Variants in CHURC1 observed in about 807,000 individuals in gnomAD.
CHURC1 encodes churchill domain containing 1, also known as protein Churchill.
A neutral mutation model predicts 15.4 loss-of-function variants in CHURC1; 12 were observed. That is an observed-to-expected ratio of 0.78 (90% CI 0.50 to 1.27). CHURC1 has a LOEUF of 1.27. CHURC1 is among the 50% of genes most tolerant of loss of function. The pLI is 0.00. For synonymous variants in CHURC1, 42 were observed against 47.5 expected, an observed-to-expected ratio of 0.88 and a Z score of 0.48; for missense variants, 132 against 137.8, an observed-to-expected ratio of 0.96 and a Z score of 0.21.
intron 3 of CHURC1, among the ~76,000 whole-genome samples, chr14:64,930,352 T>C: frequency 6.6e-6 from 1 of 152,336 alleles, no homozygotes; most frequent in East Asian, 1.9e-4. Flanking sequence ...ATTCTAGACA[T>C]ATTTTCCCAC....
At chr14:64,929,081 G>A (rs1289155103) in intron 3 of CHURC1, among the ~76,000 whole-genome samples, 1 of 151,890 alleles carries the variant, frequency 6.6e-6, no homozygotes, top group Non-Finnish European at 1.5e-5. Context: ...ACCATTGAAG[G>A]CTGAATTACT....
At chr14:64,919,707 A>G (rs2139884092) in intron 1 of CHURC1, among the ~76,000 whole-genome samples, 1 of 152,000 alleles carries the variant, frequency 6.6e-6, no homozygotes, top group Non-Finnish European at 1.5e-5. Context: ...ACATGGTGAA[A>G]CCCTGTTTCT....
rs1374361821 is a variant in CHURC1 at position 64,932,422 on chromosome 14, T to G, written c.*192T>G. The G allele has an allele frequency of 1.5e-6, 2 of 1,329,748 alleles. No individual in the cohort carries two copies. Among genetic ancestry groups the G allele is most frequent in the Non-Finnish European group, 1.9e-6 (2 of 1,038,104 alleles). 82.4% of individuals were successfully genotyped at this position (1,329,748 alleles called of 1,614,324 possible). ...CTAGAGCTGAGCTCTTCTGCTAAAGTTCAAAGTTCACATCAGTGTAGCCAG... is the reference window on the plus strand; with the variant it reads ...CTAGAGCTGAGCTCTTCTGCTAAAGGTCAAAGTTCACATCAGTGTAGCCAG... On this transcript the variant is annotated 3_prime_UTR_variant, in exon 4 of 4. Transcript: ENST00000549115.
intron 3 of CHURC1, among the ~76,000 whole-genome samples, chr14:64,930,215 T>C (rs1250508941): frequency 6.6e-6 from 1 of 152,180 alleles, no homozygotes; most frequent in Admixed American, 6.5e-5. Context: ...AGTTGGAGCC[T>C]TTGAGAGTCC....
chr14:64,925,498 C>A (rs1474136566), intron 2 of CHURC1, among the ~76,000 whole-genome samples: 1 of 151,858 alleles, frequency 6.6e-6, no homozygotes. Flanking sequence ...CATAGTGAGA[C>A]CTCACCTCTA....
At chr14:64,931,564 G>C (rs557266060) in intron 3 of CHURC1, among the ~76,000 whole-genome samples, 87 of 151,202 alleles carry the variant, frequency 5.8e-4, no homozygotes, top group Non-Finnish European at 1.1e-3. Context: ...CTTGCCCTAA[G>C]GGTTTTTGCC....
At chr14:64,914,935 A>G (rs1344108997) in intron 1 of CHURC1, among the ~76,000 whole-genome samples, 1 of 152,222 alleles carries the variant, frequency 6.6e-6, no homozygotes, top group African/African-American at 2.4e-5. Flanking sequence ...ACTTTTGCAG[A>G]TGAAGAAACC....
chr14:64,918,643 C>T (rs1187325367), intron 1 of CHURC1, among the ~76,000 whole-genome samples: 1 of 152,116 alleles, frequency 6.6e-6, no homozygotes, highest in Non-Finnish European at 1.5e-5. Flanking sequence ...GCCTGGGCTA[C>T]ATAGTGAGAC....
intron 3 of CHURC1, among the ~76,000 whole-genome samples, chr14:64,930,046 G>A (rs1475024516): frequency 6.6e-6 from 1 of 151,630 alleles, no homozygotes; most frequent in Non-Finnish European, 1.5e-5. Flanking sequence ...AGAAGACTTG[G>A]AGTCAGAATT....
chr14:64,916,711 C>G (rs771767008), intron 1 of CHURC1, among the ~76,000 whole-genome samples: 2 of 151,904 alleles, frequency 1.3e-5, no homozygotes, highest in African/African-American at 2.4e-5. Flanking sequence ...CCGAGTAGCT[C>G]GGACTGCAGG....
intron 3 of CHURC1, among the ~76,000 whole-genome samples, chr14:64,928,497 G>T (rs1222896446): frequency 1.3e-5 from 2 of 152,128 alleles, no homozygotes; most frequent in Non-Finnish European, 2.9e-5. Flanking sequence ...CAGTCCTCCT[G>T]CCTCAGCCTC....
At chr14:64,920,835 T>C (rs976673475) in intron 1 of CHURC1, among the ~76,000 whole-genome samples, 8 of 152,234 alleles carry the variant, frequency 5.3e-5, no homozygotes, top group African/African-American at 1.9e-4. Context: ...TTCCAGGCAG[T>C]CCCAATTCAA....
rs1395206828 is a variant in CHURC1 at position 64,932,311 on chromosome 14, A to G, written c.*81A>G. 6 of 1,547,528 alleles carry G rather than the reference A, an allele frequency of 3.9e-6. No homozygotes were observed. The African/African-American group carries it at 8.3e-5, about 21-fold the overall frequency. ...CCTGATGGTTTGTCTTATTTCATTC[A>G]TACTGAAAATTCTTTGCATATTTTT... On this transcript the variant is annotated 3_prime_UTR_variant, in exon 4 of 4. Coordinates refer to ENST00000549115, the MANE Select transcript of CHURC1 (RefSeq NM_001386928.1).
chr14:64,914,663 C>T, intron 1 of CHURC1, 129 bp downstream of exon 1: 1 of 1,533,328 alleles, frequency 6.5e-7, no homozygotes, highest in East Asian at 2.3e-5. Flanking sequence ...GACCCAGTAG[C>T]GGTATTTAGG....
At chr14:64,922,037 A>G (rs1019600243) in intron 1 of CHURC1, among the ~76,000 whole-genome samples, 5 of 152,228 alleles carry the variant, frequency 3.3e-5, no homozygotes, top group Non-Finnish European at 5.9e-5. Flanking sequence ...TTCTGTTTAT[A>G]TAAAATTCTA....
At chr14:64,922,443 T>G (rs1202073245) in intron 1 of CHURC1, among the ~76,000 whole-genome samples, 1 of 151,866 alleles carries the variant, frequency 6.6e-6, no homozygotes, top group Non-Finnish European at 1.5e-5. Flanking sequence ...CAGGGCGTGG[T>G]GGCGGGCACC....
chr14:64,914,510 T>C lies in CHURC1; in HGVS notation c.15T>C (p.Cys5=). MCGD[C]VEKEYPNRGN... ...ACTGCGTCGCGATGTGTGGCGACTG[T>C]GTGGAGAAGGAATATCCCAACCGGG... Residue 5 remains cysteine (C), a synonymous_variant, in exon 1 of 4, where the codon TGT becomes TGC. Coordinates refer to ENST00000549115, the MANE Select transcript of CHURC1 (RefSeq NM_001386928.1). 6.2e-7 allele frequency: 1 copy of C among 1,614,264 alleles called. No individual in the cohort carries two copies. Among genetic ancestry groups the C allele is most frequent in the Non-Finnish European group, 8.5e-7 (1 of 1,180,042 alleles).
At position 64,934,714 on chromosome 14, in the gene CHURC1, C is replaced by T. The variant is rs1399874487; in HGVS notation, c.*2484C>T. 3 of 985,366 alleles carry T rather than the reference C, an allele frequency of 3.0e-6. No homozygotes were observed. The South Asian group carries it at 1.4e-4, about 46-fold the overall frequency. 61.0% of individuals were successfully genotyped at this position (985,366 alleles called of 1,614,324 possible). A position where few individuals can be genotyped will look rare whatever the true frequency, so the allele number is the denominator to read the frequency against. ...ATTACTTTAAATAGCAGCATTAAGC[C>T]CATTATAGCCTCTGAATTGTCCCTT... On this transcript the variant is annotated 3_prime_UTR_variant, in exon 4 of 4. Transcript: ENST00000549115.
intron 1 of CHURC1, 88 bp downstream of exon 1, chr14:64,914,622 G>A: frequency 1.3e-6 from 2 of 1,590,842 alleles, no homozygotes; most frequent in Non-Finnish European, 8.6e-7. Flanking sequence ...GCCGTACGTG[G>A]GGCGGACTCG....
Sources: allele counts gnomAD v4.1 joint callset (sites outside exome capture counted in the v4.1 genomes callset), GRCh38; gene constraint gnomAD v4.1.1; transcripts MANE v1.5; gene names NCBI Gene and HGNC (gene_info 2026-07-23, HGNC 2026-07-21).